Variants in LYPD8 observed in about 807,000 individuals in gnomAD.
LYPD8 encodes ly6/PLAUR domain-containing protein 8.
In LYPD8, 8 loss-of-function variants were observed where a neutral mutation model predicts 1.7. The observed-to-expected ratio is 4.58, with a 90% CI of 2.69 to 8.27. The LOEUF is 8.27. Among genes scored for constraint, LYPD8 ranks in the 30% most tolerant of loss-of-function variants. The probability of loss-of-function intolerance (pLI) is 0.00; values close to 1 mark genes in which losing one functional copy is unlikely to be tolerated. For missense variants in LYPD8, 112 were observed against 102.3 expected, an observed-to-expected ratio of 1.09 and a Z score of -0.41; for synonymous variants, 50 against 43.6, an observed-to-expected ratio of 1.15 and a Z score of -0.58.
At chr1:248,743,278 AAC>A (rs1553283720) in intron 6 of LYPD8, among the ~76,000 whole-genome samples, 1 of 152,158 alleles carries the variant, frequency 6.6e-6, no homozygotes, top group East Asian at 1.9e-4. Context: ...CAGCCTGGCC[AAC>A]ATGGCGAAAC....
chr1:248,750,479 G>A (rs1259594448), intron 4 of LYPD8, 45 bp downstream of exon 4: 1 of 398,388 alleles, frequency 2.5e-6, no homozygotes, highest in South Asian at 1.3e-4. Flanking sequence ...GCTCCCTCCC[G>A]GTGCAAGCCC....
chr1:248,752,823 T>TCACACACACCACACCCCA (rs1662833878), intron 2 of LYPD8, among the ~76,000 whole-genome samples: 1 of 22,676 alleles, frequency 4.4e-5, no homozygotes, highest in African/African-American at 2.4e-4. Context: ...ACACATCACA[T>TCACACACACCACACCCCA]CACACACACC....
intron 2 of LYPD8, among the ~76,000 whole-genome samples, chr1:248,752,816 CAT>C (rs2103172719): frequency 3.0e-5 from 3 of 99,774 alleles, no homozygotes; most frequent in African/African-American, 4.6e-5. Flanking sequence ...AACACACACA[CAT>C]CACATCACAC....
intron 4 of LYPD8, among the ~76,000 whole-genome samples, chr1:248,748,801 A>G (rs1246643842): frequency 6.6e-6 from 1 of 152,216 alleles, no homozygotes; most frequent in Non-Finnish European, 1.5e-5. Flanking sequence ...TATGTGCAAT[A>G]TGACATCCAC....
chr1:248,746,222 A>G (rs1198914896), intron 5 of LYPD8, among the ~76,000 whole-genome samples: 2 of 152,242 alleles, frequency 1.3e-5, no homozygotes, highest in Non-Finnish European at 2.9e-5. Flanking sequence ...TGGAGTCCAC[A>G]TAAACGAAAG....
chr1:248,751,690 C>G (rs970395415), intron 2 of LYPD8, among the ~76,000 whole-genome samples: 10 of 152,120 alleles, frequency 6.6e-5, no homozygotes, highest in African/African-American at 2.2e-4. Flanking sequence ...AAAATCAAGC[C>G]TTAGCAGGAT....
At chr1:248,744,359 G>A (rs768131834) in intron 6 of LYPD8, among the ~76,000 whole-genome samples, 6 of 152,374 alleles carry the variant, frequency 3.9e-5, no homozygotes, top group African/African-American at 9.6e-5. Flanking sequence ...CAAGAAGCCC[G>A]CCTGCATGGC....
intron 2 of LYPD8, among the ~76,000 whole-genome samples, chr1:248,754,746 C>T (rs1439050736): frequency 6.6e-6 from 1 of 152,168 alleles, no homozygotes; most frequent in Admixed American, 6.5e-5. Context: ...AATGACCCCA[C>T]CATTTAGAGA....
Position 248,739,953 on chromosome 1 carries a change from C to A in LYPD8, c.476-104G>T, listed in dbSNP as rs1662559304. On this transcript the variant is annotated intron_variant, in intron 6 of 6. Transcript: ENST00000590317. The surrounding 1 kb of genome is among the most constrained non-coding windows in gnomAD (Gnocchi z 4.3). ...TGCAGCACGGTGGCCCGGTGACCAG[C>A]AAGAGCTGGTGTGCTCCTGAAGCCC... The A allele has an allele frequency of 1.4e-6, 2 of 1,460,052 alleles. No individual in the cohort carries two copies. The highest frequency in any genetic ancestry group is 1.8e-6 in the Non-Finnish European group (2 of 1,086,318). The allele number at this position is 1,460,052 out of a possible 1,614,324, so 90.4% of individuals were successfully genotyped here. A position where few individuals can be genotyped will look rare whatever the true frequency, so the allele number is the denominator to read the frequency against.
At chr1:248,753,374 CCA>C (rs1662863248) in intron 2 of LYPD8, among the ~76,000 whole-genome samples, 1 of 112,890 alleles carries the variant, frequency 8.9e-6, no homozygotes. Flanking sequence ...CACATACACA[CCA>C]CACACCACAC....
intron 2 of LYPD8, among the ~76,000 whole-genome samples, chr1:248,753,329 TCACACACAC>T (rs1204089706): frequency 1.3e-3 from 41 of 31,096 alleles, no homozygotes; most frequent in African/African-American, 3.8e-3. Context: ...ACACAACACA[TCACACACAC>T]CACACACACC....
chr1:248,752,754 AC>A (rs1662827059), intron 2 of LYPD8, among the ~76,000 whole-genome samples: 1 of 106,908 alleles, frequency 9.4e-6, no homozygotes, highest in African/African-American at 3.6e-5. Flanking sequence ...CACACACCCC[AC>A]ACACACCACA....
At chr1:248,751,902 C>T (rs1662807658) in intron 2 of LYPD8, among the ~76,000 whole-genome samples, 1 of 152,160 alleles carries the variant, frequency 6.6e-6, no homozygotes, top group Non-Finnish European at 1.5e-5. Flanking sequence ...ACCTTGCATT[C>T]CCTGCCTGCA....
rs1173123561 is a variant in LYPD8, at chr1:248,750,527, G to C, written c.169C>G (p.Leu57Val). 2.0e-5 allele frequency: 8 copies of C among 398,536 alleles called. No homozygotes were observed. The highest frequency in any genetic ancestry group is 3.5e-5 in the Non-Finnish European group (8 of 226,100). The allele number at this position is 398,536 out of a possible 1,614,324, so 24.7% of individuals were successfully genotyped here. A position where few individuals can be genotyped will look rare whatever the true frequency, so the allele number is the denominator to read the frequency against. Residue 57 changes from leucine to valine, a missense_variant, in exon 4 of 7, where the codon CTA becomes GTA. Leu to Val is a conservative substitution (Grantham distance 32). Coordinates refer to ENST00000590317, the MANE Select transcript of LYPD8 (RefSeq NM_001085474.2). ...GGACACACACACCCAGGCTCACCTA[G>C]AGAGGAGCTGGCTGAGGAGCTGATA... ...SCISSSASSSLETPVRLYQNM... is the reference protein window; with the variant it reads ...SCISSSASSSVETPVRLYQNM...
At chr1:248,741,295 C>G (rs1553283307) in intron 6 of LYPD8, among the ~76,000 whole-genome samples, 1 of 152,180 alleles carries the variant, frequency 6.6e-6, no homozygotes, top group Non-Finnish European at 1.5e-5. Flanking sequence ...AAGCCTCTGT[C>G]CCCCAGGTTC....
In LYPD8 at chr1:248,748,457, C is replaced by G; in HGVS notation, c.173-4G>C. ...TGGTATAATCTGACTGGTGTCTCTA[C>G]ACAAAGACAAACACAGACTGTCAGC... is the stretch of plus-strand genomic sequence containing the variant. On this transcript the variant is annotated splice_region_variant and splice_polypyrimidine_tract_variant and intron_variant, in intron 4 of 6. Coordinates refer to ENST00000590317, the MANE Select transcript of LYPD8 (RefSeq NM_001085474.2). The G allele has an allele frequency of 2.5e-6, 1 of 403,930 alleles. No individual in the cohort carries two copies. Among genetic ancestry groups the G allele is most frequent in the Non-Finnish European group, 4.4e-6 (1 of 229,834 alleles). The allele number at this position is 403,930 out of a possible 1,614,324, so 25.0% of individuals were successfully genotyped here. A position where few individuals can be genotyped will look rare whatever the true frequency, so the allele number is the denominator to read the frequency against.
At chr1:248,745,691 CAAT>C (rs1181549594) in intron 5 of LYPD8, among the ~76,000 whole-genome samples, 6 of 152,154 alleles carry the variant, frequency 3.9e-5, no homozygotes, top group Non-Finnish European at 7.4e-5. Flanking sequence ...AAAAAATTTA[CAAT>C]GAGACCAGCT....
intron 2 of LYPD8, among the ~76,000 whole-genome samples, chr1:248,752,857 C>CACCACACACCCCACACAA (rs1662836113): frequency 1.0e-5 from 1 of 100,072 alleles, no homozygotes. Flanking sequence ...ACACACCACA[C>CACCACACACCCCACACAA]CACACACACA....
In LYPD8 at chr1:248,739,648, G is replaced by A. The variant is rs1002453953; in HGVS notation, c.677C>T (p.Ala226Val). The change falls in exon 7 of 7, where the codon GCC becomes GTC. Residue 226 changes from alanine (A) to valine (V), a missense_variant. Physicochemically the swap from Ala to Val is moderately conservative, Grantham distance 64. Coordinates refer to ENST00000590317, the MANE Select transcript of LYPD8 (RefSeq NM_001085474.2). This position sits in a 1 kb window ranked among gnomAD's most constrained non-coding sequence, Gnocchi z 4.3. ...VGSKASLYLL[A>V]LASLLLRGLL... Reference sequence around the variant, plus strand: ...TCCCCGAAGAAGGAGGCTGGCAAGGGCCAAGAGGTAGAGGGAAGCTTTGGA... The same window carrying A: ...TCCCCGAAGAAGGAGGCTGGCAAGGACCAAGAGGTAGAGGGAAGCTTTGGA... 6.4e-7 allele frequency: 1 copy of A among 1,551,750 alleles called. No homozygotes were observed. The highest frequency in any genetic ancestry group is 8.7e-7 in the Non-Finnish European group (1 of 1,147,006).
Sources: allele counts gnomAD v4.1 joint callset (sites outside exome capture counted in the v4.1 genomes callset), GRCh38; gene constraint gnomAD v4.1.1; non-coding constraint Gnocchi (gnomAD v3.1); transcripts MANE v1.5; gene names NCBI Gene and HGNC (gene_info 2026-07-23, HGNC 2026-07-21).